The following ADAMTS16 variants were observed in gnomAD, a reference collection of about 807,000 sequenced individuals.
ADAMTS16 encodes the protein A disintegrin and metalloproteinase with thrombospondin motifs 16.
ADAMTS16 carries 94 observed loss-of-function variants against 145.8 expected under a neutral mutation model. The observed-to-expected ratio is 0.64, with a 90% CI of 0.55 to 0.77. The LOEUF is 0.77. Ranked by LOEUF, ADAMTS16 falls within the 30% of genes least tolerant of loss-of-function variation. The pLI is 0.00. For synonymous variants in ADAMTS16, 659 were observed against 604.3 expected (o/e 1.09, Z -1.33); for missense variants, 1,585 against 1,591.5 (o/e 1.00, Z 0.07).
intron 3 of ADAMTS16, among the ~76,000 whole-genome samples, chr5:5,172,072 T>TA (rs1403928010): frequency 6.6e-6 from 1 of 152,172 alleles, no homozygotes; most frequent in African/African-American, 2.4e-5. Context: ...CAGAAGCCTC[T>TA]AATCATCCTT....
At chr5:5,302,567 A>G (rs975748723) in intron 18 of ADAMTS16, among the ~76,000 whole-genome samples, 4 of 152,240 alleles carry the variant, frequency 2.6e-5, no homozygotes, top group African/African-American at 7.2e-5. Context: ...TCAGTAAGGG[A>G]AAGATCCGGT....
chr5:5,196,447 G>T (rs1300700734), intron 8 of ADAMTS16, among the ~76,000 whole-genome samples: 1 of 152,130 alleles, frequency 6.6e-6, no homozygotes, highest in Non-Finnish European at 1.5e-5. Context: ...GATTTTTAAA[G>T]ACTTGAAGAA....
intron 20 of ADAMTS16, among the ~76,000 whole-genome samples, chr5:5,305,122 C>T (rs62340882): frequency 2.1e-3 from 71 of 34,508 alleles, no homozygotes; most frequent in East Asian, 3.1e-3. Context: ...CACACACACA[C>T]CCCACACCAC....
intron 3 of ADAMTS16, among the ~76,000 whole-genome samples, chr5:5,172,811 A>G (rs1449487013): frequency 6.8e-6 from 1 of 146,710 alleles, no homozygotes; most frequent in African/African-American, 2.4e-5. Flanking sequence ...TTCTGTCTTG[A>G]TAATGGGCAT....
chr5:5,286,885 A>AAG lies in ADAMTS16; in HGVS notation c.2790-16383_2790-16382insAG, dbSNP rs1456081255. Among the ~76,000 whole-genome samples, 3 of 52,198 alleles carry AAG rather than the reference A, an allele frequency of 5.7e-5. 1 individual carries two copies. Among genetic ancestry groups the AAG allele is most frequent in the Admixed American group, 3.1e-4 (2 of 6,414 alleles). The allele number at this position is 52,198 out of a possible 152,430, so 34.2% of individuals were successfully genotyped here. ...AAAAAAAAAAAAAAAAAAAAAAAAG[A>AAG]GTTTTTATAACCCTTTAGTATGTGC... On this transcript the variant is annotated intron_variant, in intron 18 of 22. Coordinates refer to ENST00000274181, the MANE Select transcript of ADAMTS16 (RefSeq NM_139056.4).
chr5:5,162,478 C>G (rs1379753023), intron 3 of ADAMTS16, among the ~76,000 whole-genome samples: 6 of 152,112 alleles, frequency 3.9e-5, no homozygotes, highest in Non-Finnish European at 8.8e-5. Context: ...CATGAGCATC[C>G]TTGGAGTCTA....
chr5:5,312,355 T>C (rs1740489724), intron 21 of ADAMTS16, among the ~76,000 whole-genome samples: 1 of 152,196 alleles, frequency 6.6e-6, no homozygotes, highest in African/African-American at 2.4e-5. Flanking sequence ...GCATGTCCTA[T>C]TTTAAATGGA....
chr5:5,184,736 T>G (rs1319796546), intron 4 of ADAMTS16, among the ~76,000 whole-genome samples: 2 of 151,900 alleles, frequency 1.3e-5, no homozygotes, highest in Non-Finnish European at 2.9e-5. Flanking sequence ...AGCTCCATAT[T>G]GAGGGGCAGT....
chr5:5,251,286 A>G (rs1489781103), intron 17 of ADAMTS16, among the ~76,000 whole-genome samples: 1 of 152,140 alleles, frequency 6.6e-6, no homozygotes, highest in African/African-American at 2.4e-5. Flanking sequence ...CTATGTCACT[A>G]TGTCATCTGT....
intron 11 of ADAMTS16, among the ~76,000 whole-genome samples, chr5:5,227,153 G>T (rs913167703): frequency 1.2e-4 from 19 of 152,366 alleles, no homozygotes; most frequent in African/African-American, 3.6e-4. Context: ...CCTTCCCCAG[G>T]TCACGCAGCT....
In ADAMTS16 at chr5:5,200,178, G is replaced by A. The variant is rs781627384; in HGVS notation, c.1360G>A (p.Glu454Lys). The A allele has an allele frequency of 2.7e-5, 44 of 1,613,820 alleles. No homozygotes were observed. Among genetic ancestry groups the A allele is most frequent in the Non-Finnish European group, 3.6e-5 (42 of 1,179,944 alleles). ...AGAAGGGAACATGTGCAAAAAGTCC[G>A]AGGGCAACATCATGTCCCCTACATT... is the stretch of plus-strand genomic sequence containing the variant. ...DGEGNMCKKSEGNIMSPTLAG... is the reference protein window; with the variant it reads ...DGEGNMCKKSKGNIMSPTLAG... Residue 454 changes from glutamate to lysine, a missense_variant, in exon 9 of 23, where the codon GAG becomes AAG. This residue lies in a region of ADAMTS16 where 298 missense variants were observed against 367.6 expected (regional missense o/e 0.81). Transcript: ENST00000274181.
chr5:5,224,272 G>C (rs1182370222), intron 11 of ADAMTS16, among the ~76,000 whole-genome samples: 1 of 150,972 alleles, frequency 6.6e-6, no homozygotes, highest in African/African-American at 2.5e-5. Flanking sequence ...ATATGTAATG[G>C]TAATAGCAAT....
intron 3 of ADAMTS16, among the ~76,000 whole-genome samples, chr5:5,171,994 G>A (rs1016266117): frequency 6.6e-6 from 1 of 152,024 alleles, no homozygotes; most frequent in Non-Finnish European, 1.5e-5. Flanking sequence ...ATTCAACTTT[G>A]GTAGTTTGTA....
chr5:5,256,070 G>A (rs1472353810), intron 17 of ADAMTS16, among the ~76,000 whole-genome samples: 1 of 152,032 alleles, frequency 6.6e-6, no homozygotes, highest in African/African-American at 2.4e-5. Context: ...TCTGTTAATT[G>A]CTAAAACTTT....
chr5:5,237,140 C>A (rs1412841518), intron 14 of ADAMTS16, 41 bp downstream of exon 14: 2 of 1,598,648 alleles, frequency 1.3e-6, no homozygotes, highest in Non-Finnish European at 8.5e-7. Flanking sequence ...TGATTCCGGA[C>A]AGTCTGCTTT....
intron 3 of ADAMTS16, among the ~76,000 whole-genome samples, chr5:5,170,417 C>T (rs1735013281): frequency 6.6e-6 from 1 of 152,028 alleles, no homozygotes; most frequent in Admixed American, 6.6e-5. Context: ...CTCACTCTGT[C>T]ACCCAGGCTG....
chr5:5,266,452 C>T (rs1026206921), intron 18 of ADAMTS16, among the ~76,000 whole-genome samples: 4 of 152,252 alleles, frequency 2.6e-5, no homozygotes, highest in Non-Finnish European at 4.4e-5. Flanking sequence ...CAACTAAGTC[C>T]TTTCCCTAGG....
At chr5:5,299,016 C>T (rs775288688) in intron 18 of ADAMTS16, among the ~76,000 whole-genome samples, 2 of 152,118 alleles carry the variant, frequency 1.3e-5, no homozygotes, top group East Asian at 1.9e-4. Context: ...TCTAATGTTG[C>T]GTCTCACGGC....
chr5:5,239,781 A>C lies in ADAMTS16; in HGVS notation c.2379A>C (p.Arg793Ser). Residue 793 changes from arginine to serine, a missense_variant, in exon 16 of 23, where the codon AGA becomes AGC. Physicochemically the swap from Arg to Ser is moderately radical, Grantham distance 110 (BLOSUM62 -1). Around this residue, in one of 3 missense-constraint regions of ADAMTS16, gnomAD observed 834 missense variants for 811.7 expected, o/e 1.03. Transcript: ENST00000274181. Reference sequence around the variant, plus strand: ...ACATTTCTGTGCGCAATGCCCTCAGAAGGTACTACCTGAATGGGCACTGGA... The same window carrying C: ...ACATTTCTGTGCGCAATGCCCTCAGCAGGTACTACCTGAATGGGCACTGGA... Reference protein sequence around the residue: ...TSYISVRNALRRYYLNGHWTV... With the variant: ...TSYISVRNALSRYYLNGHWTV... 1 of 1,614,174 alleles carries C rather than the reference A, an allele frequency of 6.2e-7. No individual in the cohort carries two copies. Among genetic ancestry groups the C allele is most frequent in the Non-Finnish European group, 8.5e-7 (1 of 1,180,034 alleles).
Sources: gnomAD v4.1 joint callset for allele counts (sites outside exome capture counted in the v4.1 genomes callset) on GRCh38, gnomAD v4.1.1 for gene constraint, gnomAD v4.1.1 regional missense constraint, MANE v1.5 for transcripts, NCBI Gene and HGNC (gene_info 2026-07-23, HGNC 2026-07-21) for gene names.